The following DSCAM variants were observed in gnomAD, a reference collection of about 807,000 sequenced individuals.
The protein encoded by DSCAM is cell adhesion molecule DSCAM.
DSCAM carries 47 observed loss-of-function variants against 217.7 expected under a neutral mutation model. The ratio of observed to expected loss-of-function variants is 0.22; its 90% CI spans 0.17 to 0.28. The LOEUF is 0.28. DSCAM is among the 10% of genes least tolerant of loss of function. The pLI is 1.00. For missense variants in DSCAM, 2,080 were observed against 2,618.3 expected (o/e 0.79, Z 4.49); for synonymous variants, 1,056 against 1,015.3 (o/e 1.04, Z -0.76).
intron 3 of DSCAM, among the ~76,000 whole-genome samples, chr21:40,374,295 G>A (rs2074928748): frequency 1.3e-5 from 2 of 152,238 alleles, no homozygotes; most frequent in Admixed American, 6.5e-5. Context: ...ATCCACAGGT[G>A]TATAAAATGT....
chr21:40,075,966 A>G (rs2089360193), intron 26 of DSCAM, among the ~76,000 whole-genome samples: 1 of 152,162 alleles, frequency 6.6e-6, no homozygotes, highest in Non-Finnish European at 1.5e-5. Flanking sequence ...AAACACAGGC[A>G]TCCACTTTTT....
At chr21:40,014,202 C>A (rs1283085233) in intron 32 of DSCAM, among the ~76,000 whole-genome samples, 1 of 152,128 alleles carries the variant, frequency 6.6e-6, no homozygotes, top group African/African-American at 2.4e-5. Flanking sequence ...ACCAGCCAGG[C>A]CAACATGGCA....
chr21:40,750,320 C>A (rs1008109085), intron 1 of DSCAM, among the ~76,000 whole-genome samples: 1 of 152,174 alleles, frequency 6.6e-6, no homozygotes, highest in South Asian at 2.1e-4. Context: ...CTTGCAGTCA[C>A]CAGTGGCCTG....
chr21:40,470,304 G>C (rs1057059330), intron 3 of DSCAM, among the ~76,000 whole-genome samples: 19 of 152,320 alleles, frequency 1.2e-4, no homozygotes, highest in African/African-American at 4.6e-4. Flanking sequence ...GCAGGAAAAA[G>C]CTATGGAAAC....
intron 1 of DSCAM, among the ~76,000 whole-genome samples, chr21:40,749,937 C>CTTT (rs554590479): frequency 4.8e-5 from 7 of 146,642 alleles, no homozygotes; most frequent in African/African-American, 1.8e-4. Context: ...CTTTCTTCTT[C>CTTT]TTTTTTTTTT....
At chr21:40,141,888 G>A (rs1235888033) in intron 18 of DSCAM, among the ~76,000 whole-genome samples, 1 of 151,726 alleles carries the variant, frequency 6.6e-6, no homozygotes, top group Admixed American at 6.6e-5. Context: ...AGAAACTTGT[G>A]GCCCCAATCT....
intron 3 of DSCAM, among the ~76,000 whole-genome samples, chr21:40,404,450 GA>G: frequency 6.6e-6 from 1 of 152,324 alleles, no homozygotes; most frequent in East Asian, 1.9e-4. Flanking sequence ...CTTGAGGGCA[GA>G]AGAGCAAACA....
chr21:40,042,293 G>A, intron 32 of DSCAM, 78 bp downstream of exon 32: 1 of 1,500,388 alleles, frequency 6.7e-7, no homozygotes, highest in Non-Finnish European at 9.1e-7. Context: ...ACTGAGAAGG[G>A]CTTTCACAGC....
intron 11 of DSCAM, among the ~76,000 whole-genome samples, chr21:40,210,035 T>C (rs911507153): frequency 1.1e-4 from 17 of 152,202 alleles, no homozygotes; most frequent in African/African-American, 3.9e-4. Flanking sequence ...ACTAACTCCT[T>C]CTTTACCCAG....
At chr21:40,831,090 C>A (rs538524651) in intron 1 of DSCAM, among the ~76,000 whole-genome samples, 7 of 152,342 alleles carry the variant, frequency 4.6e-5, no homozygotes, top group Admixed American at 1.3e-4. Context: ...GCCAACCAGG[C>A]AATAAACCGA....
chr21:40,505,031 C>G (rs1237122758), intron 3 of DSCAM, among the ~76,000 whole-genome samples: 3 of 152,142 alleles, frequency 2.0e-5, no homozygotes, highest in Non-Finnish European at 2.9e-5. Flanking sequence ...CTGAGGCCAC[C>G]ACCAGGTGGA....
chr21:40,607,725 T>C (rs1470088787), intron 3 of DSCAM, among the ~76,000 whole-genome samples: 3 of 152,178 alleles, frequency 2.0e-5, no homozygotes, highest in Admixed American at 6.5e-5. Context: ...CCTGCTGCCA[T>C]GTAAGACGTG....
At chr21:40,191,253 T>C (rs905787544) in intron 11 of DSCAM, among the ~76,000 whole-genome samples, 2 of 152,138 alleles carry the variant, frequency 1.3e-5, no homozygotes, top group African/African-American at 4.8e-5. Context: ...AGAACCTACA[T>C]TTGGGAGTTT....
intron 1 of DSCAM, among the ~76,000 whole-genome samples, chr21:40,748,313 G>A (rs1306880314): frequency 6.6e-6 from 1 of 150,796 alleles, no homozygotes; most frequent in Non-Finnish European, 1.5e-5. Context: ...TAATTAGATA[G>A]ATGGTTAGAG....
At chr21:40,790,620 GGAGT>G (rs933255719) in intron 1 of DSCAM, among the ~76,000 whole-genome samples, 2 of 152,132 alleles carry the variant, frequency 1.3e-5, no homozygotes, top group African/African-American at 4.8e-5. Flanking sequence ...ACTTGTGGAG[GGAGT>G]AATTGTGTGT....
At chr21:40,780,447 A>ATATATATATC (rs1308722522) in intron 1 of DSCAM, among the ~76,000 whole-genome samples, 27 of 141,456 alleles carry the variant, frequency 1.9e-4, no homozygotes, top group East Asian at 1.5e-3. Flanking sequence ...ATATATATAT[A>ATATATATATC]TCTCCTGTTA....
intron 3 of DSCAM, among the ~76,000 whole-genome samples, chr21:40,428,833 T>TACACACACAC (rs35691309): frequency 1.3e-4 from 19 of 149,190 alleles, no homozygotes; most frequent in African/African-American, 4.2e-4. Context: ...AGCGACCTAA[T>TACACACACAC]ACACACACAC....
At chr21:40,416,637 A>C (rs1265528346) in intron 3 of DSCAM, among the ~76,000 whole-genome samples, 1 of 151,274 alleles carries the variant, frequency 6.6e-6, no homozygotes, top group African/African-American at 2.4e-5. Context: ...AGCTATTTGC[A>C]AAAAAAAATT....
At chr21:40,357,628 T>C (rs561470713) in intron 4 of DSCAM, among the ~76,000 whole-genome samples, 111 of 152,290 alleles carry the variant, frequency 7.3e-4, no homozygotes, top group African/African-American at 2.4e-3. Context: ...AGCTTCTCTA[T>C]TATTCTGAAC....
Sources: allele counts gnomAD v4.1 joint callset (sites outside exome capture counted in the v4.1 genomes callset), GRCh38; gene constraint gnomAD v4.1.1; transcripts MANE v1.5; gene names NCBI Gene and HGNC (gene_info 2026-07-23, HGNC 2026-07-21).